Variants in ANKS1B observed in about 807,000 individuals in gnomAD.
ANKS1B encodes the protein ankyrin repeat and sterile alpha motif domain-containing protein 1B.
In ANKS1B, 36 loss-of-function variants were observed where a neutral mutation model predicts 148.3. That is an observed-to-expected ratio of 0.24 (90% confidence interval 0.19 to 0.32). The LOEUF (loss-of-function observed/expected upper bound fraction) is 0.32. Ranked by LOEUF, ANKS1B falls within the 10% of genes least tolerant of loss-of-function variation. ANKS1B has a pLI of 1.00. For synonymous variants in ANKS1B, 542 were observed against 560.8 expected (o/e 0.97, Z 0.47); for missense variants, 1,157 against 1,542.6 (o/e 0.75, Z 4.19).
At chr12:99,317,258 C>T (rs1293218619) in intron 12 of ANKS1B, among the ~76,000 whole-genome samples, 2 of 152,136 alleles carry the variant, frequency 1.3e-5, no homozygotes, top group African/African-American at 2.4e-5. Context: ...TTATCCTGGG[C>T]AGTATGGCCA....
At chr12:99,648,807 C>T in intron 9 of ANKS1B, 1 of 1,596,954 alleles carries the variant, frequency 6.3e-7, no homozygotes, top group Non-Finnish European at 8.5e-7. Flanking sequence ...TATGCAGAGA[C>T]TAGATGGGGC....
chr12:99,260,372 T>C (rs2075794924), intron 12 of ANKS1B, among the ~76,000 whole-genome samples: 1 of 152,220 alleles, frequency 6.6e-6, no homozygotes, highest in Non-Finnish European at 1.5e-5. Flanking sequence ...ATGTCCTCAG[T>C]AAAAGCTCTG....
intron 22 of ANKS1B, among the ~76,000 whole-genome samples, chr12:98,797,145 C>A (rs532649490): frequency 2.0e-5 from 3 of 152,136 alleles, no homozygotes; most frequent in Non-Finnish European, 4.4e-5. Flanking sequence ...TCATTGGTGA[C>A]ACAAATTAGG....
intron 12 of ANKS1B, among the ~76,000 whole-genome samples, chr12:99,335,959 C>T (rs1586852): frequency 0.12 from 18,308 of 152,036 alleles, 2,981 homozygotes; most frequent in African/African-American, 0.37. Context: ...ATAGTGGCTC[C>T]ACCAACTTAC....
intron 12 of ANKS1B, among the ~76,000 whole-genome samples, chr12:99,359,019 G>C (rs904497286): frequency 2.6e-5 from 4 of 152,252 alleles, no homozygotes; most frequent in Admixed American, 2.6e-4. Flanking sequence ...GAGATATAAA[G>C]AGAAATTGGC....
rs555073349 is a variant in ANKS1B at position 98,829,046 on chromosome 12, C to G, written c.3066+128G>C. 3 of 1,063,144 alleles carry G rather than the reference C, an allele frequency of 2.8e-6. No individual in the cohort carries two copies. In the East Asian group the frequency reaches 7.1e-5, roughly 25 times the overall value. The allele number at this position is 1,063,144 out of a possible 1,614,324, so 65.9% of individuals were successfully genotyped here. On this transcript the variant is annotated intron_variant, in intron 19 of 26. Coordinates refer to ENST00000683438, the MANE Select transcript of ANKS1B (RefSeq NM_001352186.2). The surrounding 1 kb of genome is among the most constrained non-coding windows in gnomAD (Gnocchi z 5.2). ...GTTCAGATGAGCAAGGAATGAAAGG[C>G]GGGGCATAACATGGTATAAATTCTA...
intron 14 of ANKS1B, among the ~76,000 whole-genome samples, chr12:99,205,374 TG>T (rs1238477163): frequency 6.6e-6 from 1 of 152,232 alleles, no homozygotes; most frequent in Admixed American, 6.5e-5. Context: ...TTTTAGAGAA[TG>T]AGGTACTGCC....
chr12:99,877,965 C>T lies in ANKS1B; in HGVS notation c.135-52576G>A, dbSNP rs1012329657. Among the ~76,000 whole-genome samples, 4 of 152,078 alleles carry T rather than the reference C, an allele frequency of 2.6e-5. No individual in the cohort carries two copies. In the South Asian group the frequency reaches 8.3e-4, roughly 31 times the overall value. ...GTCCCAGCTACATGGAAGGCTGAGG[C>T]TGGACAGTCATTTGAGCCCAGGAAG... On this transcript the variant is annotated intron_variant, in intron 1 of 26. Transcript: ENST00000683438.
At chr12:99,822,935 A>G (rs1260587003) in intron 2 of ANKS1B, among the ~76,000 whole-genome samples, 1 of 152,128 alleles carries the variant, frequency 6.6e-6, no homozygotes, top group African/African-American at 2.4e-5. Flanking sequence ...TCTTCACTCT[A>G]TAAAAGATGC....
At chr12:99,124,213 A>G (rs2063673677) in intron 15 of ANKS1B, among the ~76,000 whole-genome samples, 1 of 152,174 alleles carries the variant, frequency 6.6e-6, no homozygotes, top group Non-Finnish European at 1.5e-5. Context: ...TTGCAATTAA[A>G]CAGAGGAGAG....
At chr12:98,931,542 C>T (rs1038814983) in intron 17 of ANKS1B, 38 of 152,108 alleles carry the variant, frequency 2.5e-4, no homozygotes, top group African/African-American at 8.5e-4. Flanking sequence ...CAAAGGTAGG[C>T]TAACTATTTA....
chr12:98,771,497 A>G (rs2153474728), intron 25 of ANKS1B, among the ~76,000 whole-genome samples: 1 of 152,220 alleles, frequency 6.6e-6, no homozygotes, highest in East Asian at 1.9e-4. Context: ...AAATTGAGAC[A>G]GGGTCTCACT....
At chr12:99,301,715 TACAC>T (rs2081639594) in intron 12 of ANKS1B, among the ~76,000 whole-genome samples, 1 of 151,654 alleles carries the variant, frequency 6.6e-6, no homozygotes, top group African/African-American at 2.4e-5. Context: ...TAGGAAAAAA[TACAC>T]AAAAATGAAA....
intron 16 of ANKS1B, among the ~76,000 whole-genome samples, chr12:99,077,008 G>A (rs1232550908): frequency 6.6e-6 from 1 of 151,784 alleles, no homozygotes; most frequent in Admixed American, 6.6e-5. Flanking sequence ...CCTGAGCACT[G>A]AGCATATCTG....
chr12:99,094,121 A>T (rs980572200), intron 15 of ANKS1B, among the ~76,000 whole-genome samples: 11 of 152,200 alleles, frequency 7.2e-5, no homozygotes, highest in African/African-American at 2.7e-4. Context: ...TTTTTTGAGC[A>T]TTTATTATGT....
intron 8 of ANKS1B, among the ~76,000 whole-genome samples, chr12:99,657,436 CT>C (rs1229839540): frequency 6.6e-6 from 1 of 152,064 alleles, no homozygotes; most frequent in Non-Finnish European, 1.5e-5. Flanking sequence ...GAATACGTTT[CT>C]GTTACACGAG....
intron 12 of ANKS1B, among the ~76,000 whole-genome samples, chr12:99,298,608 T>C (rs529844901): frequency 3.2e-4 from 49 of 152,314 alleles, no homozygotes; most frequent in Middle Eastern, 3.4e-3. Context: ...TGTCCTTACT[T>C]TATTTTTGTA....
At chr12:99,964,746 A>G (rs2095464046) in intron 1 of ANKS1B, among the ~76,000 whole-genome samples, 1 of 152,214 alleles carries the variant, frequency 6.6e-6, no homozygotes, top group Admixed American at 6.5e-5. Context: ...AGAGTCCAAG[A>G]AGGATGAAAA....
At chr12:99,068,376 C>T (rs191948428) in intron 16 of ANKS1B, among the ~76,000 whole-genome samples, 6 of 152,224 alleles carry the variant, frequency 3.9e-5, no homozygotes, top group Middle Eastern at 3.4e-3. Flanking sequence ...ACTTGTCCAG[C>T]ATGTTACTGT....
Sources: allele counts gnomAD v4.1 joint callset (sites outside exome capture counted in the v4.1 genomes callset), GRCh38; gene constraint gnomAD v4.1.1; non-coding constraint Gnocchi (gnomAD v3.1); transcripts MANE v1.5; gene names NCBI Gene and HGNC (gene_info 2026-07-23, HGNC 2026-07-21).